The following RETREG1 variants were observed in gnomAD, a reference collection of about 807,000 sequenced individuals.
The protein encoded by RETREG1 is family with sequence similarity 134 member B.
A neutral mutation model predicts 54.8 loss-of-function variants in RETREG1; 44 were observed. The ratio of observed to expected loss-of-function variants is 0.80; its 90% confidence interval spans 0.63 to 1.03. The LOEUF (loss-of-function observed/expected upper bound fraction) is 1.03. Among genes scored for constraint, RETREG1 ranks in the 50% least tolerant of loss-of-function variants. RETREG1 has a pLI of 0.00. For synonymous variants in RETREG1, 217 were observed against 238.5 expected (o/e 0.91, Z 0.83); for missense variants, 554 against 605.1 (o/e 0.92, Z 0.89).
At chr5:16,533,584 A>C (rs1740975981) in intron 3 of RETREG1, among the ~76,000 whole-genome samples, 1 of 152,116 alleles carries the variant, frequency 6.6e-6, no homozygotes, top group African/African-American at 2.4e-5. Context: ...AGGGAGCCCC[A>C]AGGTGATTAT....
At chr5:16,499,877 T>C (rs1305927128) in intron 3 of RETREG1, among the ~76,000 whole-genome samples, 1 of 152,136 alleles carries the variant, frequency 6.6e-6, no homozygotes, top group East Asian at 1.9e-4. Flanking sequence ...AATCCTCCCT[T>C]CCAAAGCAAA....
chr5:16,510,385 G>T (rs1740132805), intron 3 of RETREG1, among the ~76,000 whole-genome samples: 1 of 152,170 alleles, frequency 6.6e-6, no homozygotes, highest in Non-Finnish European at 1.5e-5. Context: ...GTGTGCGAGA[G>T]CCTGTCAGAG....
At chr5:16,527,458 C>T (rs1740748090) in intron 3 of RETREG1, among the ~76,000 whole-genome samples, 1 of 152,170 alleles carries the variant, frequency 6.6e-6, no homozygotes, top group Non-Finnish European at 1.5e-5. Context: ...CAGGGCTATA[C>T]ATTCTATCTA....
intron 1 of RETREG1, among the ~76,000 whole-genome samples, chr5:16,602,579 A>G (rs1408255953): frequency 6.6e-6 from 1 of 152,214 alleles, no homozygotes; most frequent in East Asian, 1.9e-4. Flanking sequence ...AACAATACTT[A>G]CATAGTCATA....
intron 1 of RETREG1, among the ~76,000 whole-genome samples, chr5:16,615,407 A>G (rs1480494590): frequency 6.6e-6 from 1 of 151,372 alleles, no homozygotes; most frequent in African/African-American, 2.4e-5. Context: ...CTCAAAAAAA[A>G]AAAAAAAAGA....
At chr5:16,579,813 T>C (rs1742434361) in intron 1 of RETREG1, among the ~76,000 whole-genome samples, 1 of 152,234 alleles carries the variant, frequency 6.6e-6, no homozygotes, top group Admixed American at 6.5e-5. Context: ...CACTGAATAA[T>C]ATTCCATTAT....
chr5:16,521,139 TA>T (rs1468090496), intron 3 of RETREG1, among the ~76,000 whole-genome samples: 2 of 152,222 alleles, frequency 1.3e-5, no homozygotes, highest in Non-Finnish European at 2.9e-5. Flanking sequence ...GAACTGGTTT[TA>T]TTCCTGCTTA....
intron 3 of RETREG1, among the ~76,000 whole-genome samples, chr5:16,552,950 G>C (rs1741585261): frequency 6.6e-6 from 1 of 152,062 alleles, no homozygotes; most frequent in African/African-American, 2.4e-5. Flanking sequence ...CCTAGAACAG[G>C]GCTGAGCATG....
chr5:16,545,655 T>A (rs1328225352), intron 3 of RETREG1, among the ~76,000 whole-genome samples: 1 of 152,152 alleles, frequency 6.6e-6, no homozygotes, highest in African/African-American at 2.4e-5. Flanking sequence ...CCCTGTCAGC[T>A]TCCTTTGATT....
At chr5:16,515,300 T>C (rs1177659807) in intron 3 of RETREG1, among the ~76,000 whole-genome samples, 1 of 152,188 alleles carries the variant, frequency 6.6e-6, no homozygotes, top group African/African-American at 2.4e-5. Context: ...ATCACCTTTC[T>C]GAAACTTGCT....
chr5:16,601,391 C>CT (rs530475440), intron 1 of RETREG1, among the ~76,000 whole-genome samples: 12,826 of 140,688 alleles, frequency 0.091, 1,042 homozygotes, highest in African/African-American at 0.22. Context: ...GAGGAATTTT[C>CT]TTTTTTTTTT....
At chr5:16,524,358 A>G (rs1014051859) in intron 3 of RETREG1, among the ~76,000 whole-genome samples, 2 of 152,314 alleles carry the variant, frequency 1.3e-5, no homozygotes, top group South Asian at 2.1e-4. Context: ...AAAATCTCCG[A>G]AACTTAAACC....
intron 3 of RETREG1, among the ~76,000 whole-genome samples, chr5:16,504,860 T>C (rs917078781): frequency 6.6e-6 from 1 of 152,234 alleles, no homozygotes; most frequent in African/African-American, 2.4e-5. Context: ...GTCAGGCTCC[T>C]GTGCCAGGCT....
intron 3 of RETREG1, among the ~76,000 whole-genome samples, chr5:16,544,080 ATTC>A (rs1455260915): frequency 6.6e-6 from 1 of 150,982 alleles, no homozygotes; most frequent in Non-Finnish European, 1.5e-5. Context: ...GGTTAAAGCA[ATTC>A]TTCTGCCTCA....
At chr5:16,613,139 CA>C (rs1394236084) in intron 1 of RETREG1, among the ~76,000 whole-genome samples, 1 of 151,986 alleles carries the variant, frequency 6.6e-6, no homozygotes, top group East Asian at 1.9e-4. Flanking sequence ...AAAACAAATC[CA>C]AACACACAAC....
chr5:16,587,775 T>C (rs778465207), intron 1 of RETREG1, among the ~76,000 whole-genome samples: 4 of 152,306 alleles, frequency 2.6e-5, no homozygotes, highest in Middle Eastern at 6.8e-3. Context: ...CATGCATCCA[T>C]GTGGCACCCA....
rs78553964 is a variant in RETREG1 at position 16,497,562 on chromosome 5, A to G, written c.459-14090T>C. ...AGTCGCCAAGGTCATAAGCTTTACA[A>G]CATTGGTAACTAACAGGGGTCGGGG... On this transcript the variant is annotated intron_variant, in intron 3 of 8. Transcript: ENST00000306320. Among the ~76,000 whole-genome samples, 150 of 152,330 alleles carry G rather than the reference A, an allele frequency of 9.8e-4. 2 individuals are homozygous for G. In the East Asian group the frequency reaches 0.028, roughly 28 times the overall value.
chr5:16,555,450 C>T (rs997878900), intron 3 of RETREG1, among the ~76,000 whole-genome samples: 2 of 152,154 alleles, frequency 1.3e-5, no homozygotes, highest in African/African-American at 2.4e-5. Flanking sequence ...CCACACTTGG[C>T]CTGTTTTTAC....
intron 1 of RETREG1, among the ~76,000 whole-genome samples, chr5:16,576,824 C>A (rs1742335131): frequency 6.6e-6 from 1 of 151,136 alleles, no homozygotes; most frequent in Admixed American, 6.6e-5. Flanking sequence ...ACCATGTTGG[C>A]CAGGATGGTC....
Sources: allele counts gnomAD v4.1 joint callset (sites outside exome capture counted in the v4.1 genomes callset), GRCh38; gene constraint gnomAD v4.1.1; transcripts MANE v1.5; gene names NCBI Gene and HGNC (gene_info 2026-07-23, HGNC 2026-07-21).